NMT1: variants seen among roughly 807,000 people sequenced by gnomAD.
NMT1 encodes the protein N-myristoyltransferase 1, also known as glycylpeptide N-tetradecanoyltransferase 1.
NMT1 carries 12 observed loss-of-function variants against 63.4 expected under a neutral mutation model. The observed-to-expected ratio is 0.19, with a 90% CI of 0.12 to 0.31. The LOEUF (loss-of-function observed/expected upper bound fraction) is 0.31, where lower values mean the gene tolerates loss of function less well. Ranked by LOEUF, NMT1 falls within the 10% of genes least tolerant of loss-of-function variation. The probability of loss-of-function intolerance (pLI) is 1.00; values close to 1 mark genes in which losing one functional copy is unlikely to be tolerated. For missense variants in NMT1, 432 were observed against 634.6 expected, an observed-to-expected ratio of 0.68 and a Z score of 3.43; for synonymous variants, 228 against 234.3, an observed-to-expected ratio of 0.97 and a Z score of 0.25.
intron 1 of NMT1, among the ~76,000 whole-genome samples, chr17:45,062,285 T>G (rs1380590867): frequency 6.6e-6 from 1 of 152,254 alleles, no homozygotes; most frequent in Admixed American, 6.5e-5. Context: ...AATTAGTTTT[T>G]ACTTCTGTAA....
In NMT1 at chr17:45,103,976, G is replaced by T. The variant is rs1172036468; in HGVS notation, c.1332+100G>T. ...GGACGCAGCCTCCCATGGGCTGGAGGCTCTGAGCCCTCCTCATCTGTTCTG... is the reference window on the plus strand; with the variant it reads ...GGACGCAGCCTCCCATGGGCTGGAGTCTCTGAGCCCTCCTCATCTGTTCTG... On this transcript the variant is annotated intron_variant, in intron 10 of 11. Coordinates refer to ENST00000258960, the MANE Select transcript of NMT1 (RefSeq NM_021079.5). This position sits in a 1 kb window ranked among gnomAD's most constrained non-coding sequence, Gnocchi z 4.8. 1.3e-6 allele frequency: 2 copies of T among 1,599,990 alleles called. No homozygotes were observed. Among genetic ancestry groups the T allele is most frequent in the South Asian group, 2.2e-5 (2 of 90,648 alleles).
chr17:45,075,717 C>T (rs2053973239), intron 1 of NMT1, among the ~76,000 whole-genome samples: 1 of 151,860 alleles, frequency 6.6e-6, no homozygotes, highest in Non-Finnish European at 1.5e-5. Context: ...TTGCAGTGAG[C>T]TGAGAACACG....
chr17:45,090,993 C>G (rs1011807254), intron 3 of NMT1, among the ~76,000 whole-genome samples: 1 of 152,040 alleles, frequency 6.6e-6, no homozygotes, highest in Admixed American at 6.6e-5. Context: ...AGCACAGGAG[C>G]CTTGGGCTGC....
chr17:45,080,760 C>T (rs965310523), intron 1 of NMT1, among the ~76,000 whole-genome samples: 4 of 151,996 alleles, frequency 2.6e-5, no homozygotes, highest in Non-Finnish European at 4.4e-5. Context: ...TGAGCCACCG[C>T]GCATTGCTGC....
At chr17:45,083,524 A>C (rs1240381464) in intron 2 of NMT1, 2 of 152,192 alleles carry the variant, frequency 1.3e-5, no homozygotes, top group Non-Finnish European at 2.9e-5. Flanking sequence ...ACCCGCTATG[A>C]AAAAATACCA....
chr17:45,080,588 C>A (rs542315389), intron 1 of NMT1, among the ~76,000 whole-genome samples: 1 of 151,212 alleles, frequency 6.6e-6, no homozygotes, highest in Non-Finnish European at 1.5e-5. Flanking sequence ...CCTGCCTCAG[C>A]CTCCCGAGTA....
chr17:45,104,686 T>C lies in NMT1; in HGVS notation c.1333-173T>C. On this transcript the variant is annotated intron_variant, in intron 10 of 11. Transcript: ENST00000258960. The surrounding 1 kb of genome is among the most constrained non-coding windows in gnomAD (Gnocchi z 4.2). ...GCCAGGCTGGAGGGGGCGCTCAGAG[T>C]GTCCTGAGAACCACCCGGAGAGCGG... 1 of 1,434,924 alleles carries C rather than the reference T, an allele frequency of 7.0e-7. No homozygotes were observed. The highest frequency in any genetic ancestry group is 9.1e-7 in the Non-Finnish European group (1 of 1,097,062). The allele number at this position is 1,434,924 out of a possible 1,614,324, so 88.9% of individuals were successfully genotyped here.
intron 8 of NMT1, among the ~76,000 whole-genome samples, chr17:45,102,052 A>G (rs184095657): frequency 1.1e-3 from 173 of 152,366 alleles, no homozygotes; most frequent in African/African-American, 3.7e-3. Context: ...GATTTGAGGT[A>G]TCATTGTGGG....
Position 45,094,518 on chromosome 17 carries a change from A to AT in NMT1, c.504+729dup, listed in dbSNP as rs1364597501. 9.8e-3 allele frequency among the ~76,000 whole-genome samples: 1,377 copies of AT among 140,472 alleles called. 13 individuals are homozygous for AT. Among genetic ancestry groups the AT allele is most frequent in the African/African-American group, 0.025 (964 of 38,330 alleles). The allele number at this position is 140,472 out of a possible 152,430, so 92.2% of individuals were successfully genotyped here. ...TCAAAAAAAAAAAAAAGTCAACAGA[A>AT]TTTTTTTTTTTTTTGAGATGGAGTC... is the stretch of plus-strand genomic sequence containing the variant. On this transcript the variant is annotated intron_variant, in intron 4 of 11. Coordinates refer to ENST00000258960, the MANE Select transcript of NMT1 (RefSeq NM_021079.5).
At chr17:45,067,641 A>G (rs1004748021) in intron 1 of NMT1, among the ~76,000 whole-genome samples, 3 of 152,014 alleles carry the variant, frequency 2.0e-5, no homozygotes, top group African/African-American at 7.2e-5. Flanking sequence ...TAGCTCTTGG[A>G]AATAAGAAAT....
intron 1 of NMT1, among the ~76,000 whole-genome samples, chr17:45,065,970 C>T (rs965614676): frequency 6.6e-6 from 1 of 151,806 alleles, no homozygotes; most frequent in African/African-American, 2.4e-5. Context: ...CCTTAGCCTC[C>T]CAAAGTGCTG....
chr17:45,102,253 C>T (rs961522830), intron 8 of NMT1, among the ~76,000 whole-genome samples: 3 of 152,224 alleles, frequency 2.0e-5, no homozygotes, highest in Admixed American at 1.3e-4. Context: ...CCCAAGGCCA[C>T]CTTTGTGTAT....
chr17:45,085,143 C>T (rs866410200), intron 2 of NMT1, among the ~76,000 whole-genome samples: 2 of 152,058 alleles, frequency 1.3e-5, no homozygotes, highest in African/African-American at 2.4e-5. Context: ...GTTCCAGCTA[C>T]TCAAGAGGCT....
chr17:45,061,961 A>G (rs2053865418), intron 1 of NMT1: 1 of 152,852 alleles, frequency 6.5e-6, no homozygotes, highest in African/African-American at 2.4e-5. Context: ...CCCAAAATAT[A>G]AACTCACCTT....
intron 3 of NMT1, among the ~76,000 whole-genome samples, chr17:45,091,613 A>G (rs1028442081): frequency 6.6e-6 from 1 of 152,238 alleles, no homozygotes; most frequent in South Asian, 2.1e-4. Flanking sequence ...TAGCACCTAG[A>G]TAAGACTAGA....
At chr17:45,066,435 A>G (rs2053903188) in intron 1 of NMT1, among the ~76,000 whole-genome samples, 2 of 152,090 alleles carry the variant, frequency 1.3e-5, no homozygotes, top group Admixed American at 6.6e-5. Flanking sequence ...CCGTAATTAA[A>G]TCAGCATAAA....
At chr17:45,095,935 C>T (rs750092282) in intron 4 of NMT1, among the ~76,000 whole-genome samples, 13 of 152,118 alleles carry the variant, frequency 8.5e-5, no homozygotes, top group African/African-American at 1.9e-4. Context: ...TTGTTGATGG[C>T]GCAGAATGAT....
chr17:45,099,602 A>G, intron 8 of NMT1, 89 bp downstream of exon 8: 1 of 927,858 alleles, frequency 1.1e-6, no homozygotes, highest in Non-Finnish European at 1.8e-6. Context: ...CTGGGTGGAG[A>G]GGGAGCTTTC....
intron 7 of NMT1, 39 bp downstream of exon 7, chr17:45,098,591 G>A (rs771192956): frequency 3.8e-6 from 6 of 1,591,086 alleles, no homozygotes; most frequent in Non-Finnish European, 5.2e-6. Flanking sequence ...AAATGCGGGT[G>A]TCTGCACTGT....
Sources: allele counts gnomAD v4.1 joint callset (sites outside exome capture counted in the v4.1 genomes callset), GRCh38; gene constraint gnomAD v4.1.1; non-coding constraint Gnocchi (gnomAD v3.1); transcripts MANE v1.5; gene names NCBI Gene and HGNC (gene_info 2026-07-23, HGNC 2026-07-21).